ZRANB3: variants seen among roughly 807,000 people sequenced by gnomAD.
The protein encoded by ZRANB3 is zinc finger RANBP2-type containing 3, also known as DNA annealing helicase and endonuclease ZRANB3.
Under a neutral mutation model 133.8 loss-of-function variants are expected in ZRANB3, and 125 were observed. The ratio of observed to expected loss-of-function variants is 0.93; its 90% CI spans 0.81 to 1.08. The LOEUF (loss-of-function observed/expected upper bound fraction) is 1.08. Among genes scored for constraint, ZRANB3 ranks in the 50% least tolerant of loss-of-function variants. The pLI, the probability that ZRANB3 is intolerant of heterozygous loss-of-function variation, is 0.00. For synonymous variants in ZRANB3, 387 were observed against 432.7 expected (o/e 0.89, Z 1.31); for missense variants, 1,229 against 1,275.5 (o/e 0.96, Z 0.56).
chr2:135,212,864 T>G (rs1694157454), intron 17 of ZRANB3, among the ~76,000 whole-genome samples: 1 of 152,178 alleles, frequency 6.6e-6, no homozygotes, highest in African/African-American at 2.4e-5. Flanking sequence ...AACCAGAGAT[T>G]AAACAATTGG....
chr2:135,461,972 T>C (rs1216158898), intron 2 of ZRANB3, among the ~76,000 whole-genome samples: 1 of 152,190 alleles, frequency 6.6e-6, no homozygotes, highest in Non-Finnish European at 1.5e-5. Flanking sequence ...ATTTTAATAA[T>C]AAGTAAATTT....
chr2:135,311,012 A>G lies in ZRANB3; in HGVS notation c.966+2477T>C, dbSNP rs190257543. On this transcript the variant is annotated intron_variant, in intron 8 of 20. Transcript: ENST00000264159. The stretch of plus-strand genomic sequence containing the variant: ...GATATACTAGATTGTTTCCAAATTT[A>G]AAACTTCTGTTCTCTGAAAGACAAT... 7.9e-5 allele frequency among the ~76,000 whole-genome samples: 12 copies of G among 152,196 alleles called. No individual in the cohort carries two copies. In the East Asian group the frequency reaches 2.1e-3, roughly 27 times the overall value.
intron 2 of ZRANB3, among the ~76,000 whole-genome samples, chr2:135,442,988 C>T (rs1262323850): frequency 2.6e-5 from 4 of 151,838 alleles, no homozygotes; most frequent in Admixed American, 1.3e-4. Flanking sequence ...TGGTGGCGGG[C>T]GCCTGTAGTC....
At chr2:135,371,146 G>A (rs954956972) in intron 3 of ZRANB3, among the ~76,000 whole-genome samples, 1 of 152,130 alleles carries the variant, frequency 6.6e-6, no homozygotes, top group Non-Finnish European at 1.5e-5. Flanking sequence ...TTTAAGTTCT[G>A]TCAAAATTTA....
intron 3 of ZRANB3, among the ~76,000 whole-genome samples, chr2:135,354,692 T>C (rs1015452080): frequency 6.6e-6 from 1 of 152,202 alleles, no homozygotes; most frequent in Non-Finnish European, 1.5e-5. Flanking sequence ...ACATACTCTA[T>C]GATTCTATTT....
At chr2:135,260,124 A>G (rs1679880983) in intron 12 of ZRANB3, among the ~76,000 whole-genome samples, 1 of 152,202 alleles carries the variant, frequency 6.6e-6, no homozygotes, top group Non-Finnish European at 1.5e-5. Context: ...CGTTGCTTAG[A>G]AATAACATAC....
chr2:135,350,246 T>C (rs1010225452), intron 4 of ZRANB3, 31 bp from the exon 5 acceptor site: 1 of 1,487,106 alleles, frequency 6.7e-7, no homozygotes. Flanking sequence ...ACTTAAAAAA[T>C]ATCTCAGTAA....
At chr2:135,483,392 A>G (rs1691930407) in intron 2 of ZRANB3, among the ~76,000 whole-genome samples, 1 of 152,106 alleles carries the variant, frequency 6.6e-6, no homozygotes, top group African/African-American at 2.4e-5. Context: ...TAGATTTTCT[A>G]GTTTATTTGC....
At chr2:135,299,632 T>C (rs916987396) in intron 8 of ZRANB3, among the ~76,000 whole-genome samples, 2 of 152,184 alleles carry the variant, frequency 1.3e-5, no homozygotes, top group African/African-American at 4.8e-5. Flanking sequence ...TTATTTGTTT[T>C]CTTTAAGAAC....
At chr2:135,286,305 T>A (rs1450945249) in intron 8 of ZRANB3, among the ~76,000 whole-genome samples, 1 of 152,068 alleles carries the variant, frequency 6.6e-6, no homozygotes, top group Non-Finnish European at 1.5e-5. Flanking sequence ...TGAGAGGGAG[T>A]CTGGCTTTGC....
chr2:135,413,988 G>A (rs781416319), intron 2 of ZRANB3, among the ~76,000 whole-genome samples: 11 of 151,966 alleles, frequency 7.2e-5, no homozygotes, highest in African/African-American at 9.7e-5. Flanking sequence ...AGTACCAACC[G>A]TGGCAAAATC....
Position 135,434,720 on chromosome 2 carries a change from C to T in ZRANB3, c.162-43900G>A, listed in dbSNP as rs144361172. On this transcript the variant is annotated intron_variant, in intron 2 of 20. Transcript: ENST00000264159. ...TTCCATTAAATATGAGTGTACTTCA[C>T]AGGCCAAACTGTTCAGAAGATAAGA... Among the ~76,000 whole-genome samples the T allele has an allele frequency of 2.9e-3, 449 of 152,290 alleles. 3 individuals are homozygous for T. Among genetic ancestry groups the T allele is most frequent in the African/African-American group, 0.01 (418 of 41,540 alleles).
Position 135,230,920 on chromosome 2 carries a change from T to C in ZRANB3, c.1547A>G (p.Lys516Arg), listed in dbSNP as rs759155753. Residue 516 changes from lysine to arginine, a missense_variant, in exon 13 of 21, where the codon AAA becomes AGA. Physicochemically the swap from Lys to Arg is conservative, Grantham distance 26. Coordinates refer to ENST00000264159, the MANE Select transcript of ZRANB3 (RefSeq NM_032143.4). The part of the protein sequence containing the change: ...RKEALFTHFE[K>R]EKQHDIRSFF... Reference sequence around the variant, plus strand: ...TGATCGAATATCATGCTGTTTTTCTTTTTCGAACTAGGAAAAGCAAACAGT... The same window carrying C: ...TGATCGAATATCATGCTGTTTTTCTCTTTCGAACTAGGAAAAGCAAACAGT... The C allele has an allele frequency of 1.0e-5, 16 of 1,544,854 alleles. No homozygotes were observed. The highest frequency in any genetic ancestry group is 1.3e-5 in the Non-Finnish European group (15 of 1,148,122).
At chr2:135,371,116 A>C (rs1558949372) in intron 3 of ZRANB3, among the ~76,000 whole-genome samples, 1 of 152,216 alleles carries the variant, frequency 6.6e-6, no homozygotes, top group Non-Finnish European at 1.5e-5. Context: ...ACACCAATAA[A>C]GTTGTGGCCT....
intron 2 of ZRANB3, among the ~76,000 whole-genome samples, chr2:135,471,615 T>C (rs10191336): frequency 0.015 from 2,305 of 152,226 alleles, 48 homozygotes; most frequent in African/African-American, 0.051. Flanking sequence ...AGAAAGGTAA[T>C]TAGGCAGTGA....
chr2:135,456,798 C>T (rs1380787921), intron 2 of ZRANB3, among the ~76,000 whole-genome samples: 1 of 152,166 alleles, frequency 6.6e-6, no homozygotes, highest in Non-Finnish European at 1.5e-5. Context: ...AATTATCACT[C>T]TACTGACTGC....
At chr2:135,343,078 T>C (rs1684767601) in intron 6 of ZRANB3, among the ~76,000 whole-genome samples, 1 of 144,718 alleles carries the variant, frequency 6.9e-6, no homozygotes, top group Admixed American at 6.8e-5. Flanking sequence ...TCCCAGCTAC[T>C]TGGAGGCTGA....
At chr2:135,214,817 G>GC (rs1478742971) in intron 17 of ZRANB3, among the ~76,000 whole-genome samples, 1 of 152,170 alleles carries the variant, frequency 6.6e-6, no homozygotes, top group Non-Finnish European at 1.5e-5. Flanking sequence ...AAGAGTTCAG[G>GC]CTAAGAGTCC....
intron 2 of ZRANB3, among the ~76,000 whole-genome samples, chr2:135,421,800 A>G (rs1688854447): frequency 6.7e-6 from 1 of 148,692 alleles, no homozygotes; most frequent in African/African-American, 2.5e-5. Flanking sequence ...GGTATTTTAT[A>G]TTGTCAACCC....
Sources: allele counts gnomAD v4.1 joint callset (sites outside exome capture counted in the v4.1 genomes callset), GRCh38; gene constraint gnomAD v4.1.1; transcripts MANE v1.5; gene names NCBI Gene and HGNC (gene_info 2026-07-23, HGNC 2026-07-21).